Variants in WNT11 observed in about 807,000 individuals in gnomAD.
The protein encoded by WNT11 is Wnt family member 11.
In WNT11, 20 loss-of-function variants were observed where a neutral mutation model predicts 35.6. The ratio of observed to expected loss-of-function variants is 0.56; its 90% confidence interval spans 0.40 to 0.82. The LOEUF (loss-of-function observed/expected upper bound fraction) is 0.82, where lower values mean the gene tolerates loss of function less well. WNT11 is among the 40% of genes least tolerant of loss of function. WNT11 has a pLI of 0.00. For missense variants in WNT11, 459 were observed against 504.4 expected (o/e 0.91, Z 0.86); for synonymous variants, 200 against 211.9 (o/e 0.94, Z 0.49).
At position 76,194,457 on chromosome 11, in the gene WNT11, A is replaced by T; in HGVS notation, c.597+110T>A. On this transcript the variant is annotated intron_variant, in intron 3 of 4. Transcript: ENST00000322563. This position sits in a 1 kb window ranked among gnomAD's most constrained non-coding sequence, Gnocchi z 5.4. The stretch of plus-strand genomic sequence containing the variant: ...GTGCGAGGCACATCAGGTGTGGGCC[A>T]GTCAGGGCCCGTCCCCCCGCACCCC... The T allele has an allele frequency of 2.3e-6, 3 of 1,297,118 alleles. No homozygotes were observed. Among genetic ancestry groups the T allele is most frequent in the Non-Finnish European group, 2.1e-6 (2 of 957,736 alleles). 80.4% of individuals were successfully genotyped at this position (1,297,118 alleles called of 1,614,324 possible). A position where few individuals can be genotyped will look rare whatever the true frequency, so the allele number is the denominator to read the frequency against.
intron 1 of WNT11, among the ~76,000 whole-genome samples, chr11:76,199,624 GA>G (rs1953343823): frequency 6.6e-6 from 1 of 152,078 alleles, no homozygotes; most frequent in Admixed American, 6.5e-5. Flanking sequence ...CCAATATGGT[GA>G]AACCCCGTCT....
intron 4 of WNT11, 51 bp from the exon 5 acceptor site, chr11:76,187,290 CCA>C: frequency 6.4e-7 from 1 of 1,555,712 alleles, no homozygotes; most frequent in Non-Finnish European, 8.7e-7. Context: ...CACCACCCCA[CCA>C]ACACCCCATG....
At chr11:76,209,102 T>G (rs941315978), upstream of WNT11, among the ~76,000 whole-genome samples, 1 of 152,146 alleles carries the variant, frequency 6.6e-6, no homozygotes, top group Non-Finnish European at 1.5e-5. Flanking sequence ...CCCTGTGTCC[T>G]GGTCGTTCTA....
intron 1 of WNT11, among the ~76,000 whole-genome samples, chr11:76,200,056 C>T (rs1953350860): frequency 6.6e-6 from 1 of 152,198 alleles, no homozygotes; most frequent in African/African-American, 2.4e-5. Flanking sequence ...GCCTCTCACG[C>T]TCTGCCATGT....
chr11:76,194,603 T>C lies in WNT11; in HGVS notation c.561A>G (p.Lys187=). ...KVKKTGSQAN[K]LMRLHNSEVG... ...CTTCACTGTTGTGTAGACGCATCAG[T>C]TTATTGGCTTGGGATCCTGTTTTTT... Residue 187 remains lysine, a synonymous_variant, in exon 3 of 5, where the codon AAA becomes AAG. Coordinates refer to ENST00000322563, the MANE Select transcript of WNT11 (RefSeq NM_004626.3). The surrounding 1 kb of genome is among the most constrained non-coding windows in gnomAD (Gnocchi z 5.4). 1 of 1,550,080 alleles carries C rather than the reference T, an allele frequency of 6.5e-7. No homozygotes were observed. Among genetic ancestry groups the C allele is most frequent in the Non-Finnish European group, 8.7e-7 (1 of 1,146,878 alleles).
intron 4 of WNT11, among the ~76,000 whole-genome samples, chr11:76,188,289 G>C (rs1943370441): frequency 6.6e-6 from 1 of 152,338 alleles, no homozygotes; most frequent in Middle Eastern, 3.4e-3. Flanking sequence ...GCTCAGCAAA[G>C]GGCAGAGGCT....
intron 1 of WNT11, among the ~76,000 whole-genome samples, chr11:76,203,181 C>T (rs2134599945): frequency 6.6e-6 from 1 of 152,332 alleles, no homozygotes; most frequent in East Asian, 1.9e-4. Context: ...GACCCCAGGC[C>T]TCCTGCATCC....
At position 76,206,431 on chromosome 11, in the gene WNT11, G is replaced by T; in HGVS notation, c.-24C>A. Reference sequence around the variant, plus strand: ...ATCGTCGCGCGGCGGGCGCGCCCGGGGTCACACCCAGGAGGAGCCGCGCCG... The same window carrying T: ...ATCGTCGCGCGGCGGGCGCGCCCGGTGTCACACCCAGGAGGAGCCGCGCCG... On this transcript the variant is annotated 5_prime_UTR_variant, in exon 1 of 5. Transcript: ENST00000322563. The T allele has an allele frequency of 6.8e-7, 1 of 1,479,956 alleles. No individual in the cohort carries two copies. The highest frequency in any genetic ancestry group is 8.9e-7 in the Non-Finnish European group (1 of 1,119,364). The allele number at this position is 1,479,956 out of a possible 1,614,324, so 91.7% of individuals were successfully genotyped here. A position where few individuals can be genotyped will look rare whatever the true frequency, so the allele number is the denominator to read the frequency against.
rs751111073 is a variant in WNT11, at chr11:76,187,081, C to T, written c.1049G>A (p.Arg350His). The T allele has an allele frequency of 4.3e-6, 7 of 1,611,012 alleles. No homozygotes were observed. Among genetic ancestry groups the T allele is most frequent in the East Asian group, 2.2e-5 (1 of 44,880 alleles). ...TCRRCERTVE[R>H]YVCK The stretch of plus-strand genomic sequence containing the variant: ...GGCAGGGCCTCACTTGCAGACATAG[C>T]GCTCCACGGTACGCTCACACCTGCG... Residue 350 changes from arginine (R) to histidine (H), a missense_variant, in exon 5 of 5, where the codon CGC (arginine) becomes CAC (histidine). Physicochemically the swap from Arg to His is conservative, Grantham distance 29. Coordinates refer to ENST00000322563, the MANE Select transcript of WNT11 (RefSeq NM_004626.3).
chr11:76,190,112 GGAGATCACTC>G (rs1454716443), intron 4 of WNT11, among the ~76,000 whole-genome samples: 2 of 152,042 alleles, frequency 1.3e-5, no homozygotes. Flanking sequence ...AAGTGCGCTT[GGAGATCACTC>G]GACAACCCTG....
At chr11:76,195,378 C>T (rs1283694757) in intron 2 of WNT11, among the ~76,000 whole-genome samples, 6 of 152,184 alleles carry the variant, frequency 3.9e-5, no homozygotes, top group Admixed American at 2.0e-4. Context: ...AGGGGAATTT[C>T]GGATACACAG....
upstream of WNT11, among the ~76,000 whole-genome samples, chr11:76,207,899 G>T (rs1305714409): frequency 6.6e-6 from 1 of 152,192 alleles, no homozygotes; most frequent in African/African-American, 2.4e-5. Flanking sequence ...AACACCTGGC[G>T]TTCGCCCGGA....
chr11:76,188,124 C>T (rs1170896425), intron 4 of WNT11, among the ~76,000 whole-genome samples: 1 of 152,240 alleles, frequency 6.6e-6, no homozygotes, highest in East Asian at 1.9e-4. Flanking sequence ...CGAACCCCCA[C>T]TGGGCATCAG....
At chr11:76,196,350 C>T in intron 2 of WNT11, 133 bp downstream of exon 2, 1 of 1,024,698 alleles carries the variant, frequency 9.8e-7, no homozygotes. Flanking sequence ...ATGCCTGTAT[C>T]CACCCGTCAT....
intron 3 of WNT11, among the ~76,000 whole-genome samples, chr11:76,193,002 C>T (rs1163304778): frequency 1.3e-5 from 2 of 152,128 alleles, no homozygotes; most frequent in Admixed American, 1.3e-4. Flanking sequence ...GGCCAAGGTC[C>T]CAGGACTCCT....
chr11:76,205,945 G>A (rs898994332), intron 1 of WNT11, among the ~76,000 whole-genome samples: 1 of 152,154 alleles, frequency 6.6e-6, no homozygotes, highest in Non-Finnish European at 1.5e-5. Context: ...CGGAACTCCC[G>A]CTAGGGTCAA....
At position 76,194,774 on chromosome 11, in the gene WNT11, G is replaced by A. The variant is rs1565192972; in HGVS notation, c.390C>T (p.Cys130=). Residue 130 remains cysteine, a synonymous_variant, in exon 3 of 5, where the codon TGC becomes TGT. Coordinates refer to ENST00000322563, the MANE Select transcript of WNT11 (RefSeq NM_004626.3). This position sits in a 1 kb window ranked among gnomAD's most constrained non-coding sequence, Gnocchi z 5.4. ...AGCAGCCGGGCAGGTCGCCGGAGGTGCAGGCCCGGGCGATGGCGTGGCTGA... is the reference window on the plus strand; with the variant it reads ...AGCAGCCGGGCAGGTCGCCGGAGGTACAGGCCCGGGCGATGGCGTGGCTGA... ...AAISHAIARA[C]TSGDLPGCSC... is the part of the protein sequence containing the mutation. 1.3e-6 allele frequency: 2 copies of A among 1,554,806 alleles called. No homozygotes were observed. Among genetic ancestry groups the A allele is most frequent in the South Asian group, 1.2e-5 (1 of 84,596 alleles).
chr11:76,187,419 T>G (rs1055988475), intron 4 of WNT11, among the ~76,000 whole-genome samples, 180 bp from the exon 5 acceptor site: 1 of 152,210 alleles, frequency 6.6e-6, no homozygotes, highest in Non-Finnish European at 1.5e-5. Context: ...TACTTCTAAC[T>G]TTTCCCTATA....
chr11:76,200,766 T>A (rs1953361772), intron 1 of WNT11, among the ~76,000 whole-genome samples: 2 of 152,204 alleles, frequency 1.3e-5, no homozygotes, highest in Non-Finnish European at 2.9e-5. Context: ...CTCGCCCAAC[T>A]TTCTTCCCGC....
Sources: allele counts gnomAD v4.1 joint callset (sites outside exome capture counted in the v4.1 genomes callset), GRCh38; gene constraint gnomAD v4.1.1; non-coding constraint Gnocchi (gnomAD v3.1); transcripts MANE v1.5; gene names NCBI Gene and HGNC (gene_info 2026-07-23, HGNC 2026-07-21).